CDK14: variants seen among roughly 807,000 people sequenced by gnomAD.
The protein encoded by CDK14 is cyclin-dependent kinase 14.
CDK14 carries 34 observed loss-of-function variants against 60.7 expected under a neutral mutation model. The observed-to-expected ratio is 0.56, with a 90% CI of 0.43 to 0.75. CDK14 has a LOEUF of 0.75. Among genes scored for constraint, CDK14 ranks in the 30% least tolerant of loss-of-function variants. CDK14 has a pLI of 0.00. For synonymous variants in CDK14, 197 were observed against 203.7 expected, an observed-to-expected ratio of 0.97 and a Z score of 0.28; for missense variants, 482 against 564.1, an observed-to-expected ratio of 0.85 and a Z score of 1.47.
intron 14 of CDK14, among the ~76,000 whole-genome samples, chr7:91,188,266 C>A (rs1254166112): frequency 6.6e-6 from 1 of 152,018 alleles, no homozygotes; most frequent in Admixed American, 6.6e-5. Context: ...TTTAAACATT[C>A]CTCAGATATG....
intron 8 of CDK14, among the ~76,000 whole-genome samples, chr7:90,944,634 A>G (rs1276318777): frequency 6.6e-6 from 1 of 152,190 alleles, no homozygotes; most frequent in Non-Finnish European, 1.5e-5. Flanking sequence ...TTGGAGGCTG[A>G]GCTGAGAGGA....
chr7:90,787,681 G>C (rs1017848425), intron 4 of CDK14, among the ~76,000 whole-genome samples: 5 of 152,082 alleles, frequency 3.3e-5, no homozygotes, highest in Non-Finnish European at 7.4e-5. Context: ...GGAACTTATG[G>C]TGTAGTATAT....
At chr7:91,160,122 T>A (rs958255800) in intron 14 of CDK14, among the ~76,000 whole-genome samples, 33 of 152,290 alleles carry the variant, frequency 2.2e-4, no homozygotes, top group African/African-American at 7.7e-4. Context: ...ATACAAAGAT[T>A]TCCTTTAGAA....
At chr7:91,164,919 GA>G (rs1801299895) in intron 14 of CDK14, among the ~76,000 whole-genome samples, 1 of 152,114 alleles carries the variant, frequency 6.6e-6, no homozygotes, top group Non-Finnish European at 1.5e-5. Flanking sequence ...AAATAGAACA[GA>G]AAAAAGAAGA....
chr7:90,764,426 G>A (rs1041236808), intron 4 of CDK14, among the ~76,000 whole-genome samples: 2 of 152,140 alleles, frequency 1.3e-5, no homozygotes, highest in Non-Finnish European at 2.9e-5. Context: ...AACAGGTTGC[G>A]GTGTCAGTGA....
intron 3 of CDK14, among the ~76,000 whole-genome samples, chr7:90,739,241 A>AC (rs2116771157): frequency 6.6e-6 from 1 of 152,272 alleles, no homozygotes; most frequent in Admixed American, 6.5e-5. Context: ...TGATTTTTTT[A>AC]CCACAAAATG....
intron 2 of CDK14, among the ~76,000 whole-genome samples, chr7:90,633,092 T>TAAGCCGAGACTGTGCTACTACG: frequency 2.9e-5 from 1 of 34,124 alleles, no homozygotes; most frequent in Non-Finnish European, 5.2e-5. Flanking sequence ...CGAGATTCTG[T>TAAGCCGAGACTGTGCTACTACG]CTCAAAAAAA....
chr7:90,851,091 GA>G (rs1227020293), intron 5 of CDK14, among the ~76,000 whole-genome samples: 3 of 152,142 alleles, frequency 2.0e-5, no homozygotes, highest in African/African-American at 7.2e-5. Context: ...AGGAAAAGCA[GA>G]AAATATTTAT....
chr7:91,134,558 TGAGAA>T (rs990894831), intron 14 of CDK14, among the ~76,000 whole-genome samples: 1 of 152,178 alleles, frequency 6.6e-6, no homozygotes, highest in Non-Finnish European at 1.5e-5. Context: ...AAATAAATTT[TGAGAA>T]GAAAATTTCT....
At chr7:91,025,968 G>A (rs1796559327) in intron 10 of CDK14, among the ~76,000 whole-genome samples, 1 of 151,980 alleles carries the variant, frequency 6.6e-6, no homozygotes, top group South Asian at 2.1e-4. Flanking sequence ...GAAAGAGCCA[G>A]ACAAAATTGG....
chr7:91,045,356 T>C (rs1036344528), intron 10 of CDK14, among the ~76,000 whole-genome samples: 2 of 152,208 alleles, frequency 1.3e-5, no homozygotes, highest in Non-Finnish European at 2.9e-5. Context: ...AGAAAGAACA[T>C]TATTTTGGCA....
chr7:90,681,004 A>G lies in CDK14; in HGVS notation c.124-45563A>G, dbSNP rs1801303533. On this transcript the variant is annotated intron_variant, in intron 2 of 14. Coordinates refer to ENST00000380050, the MANE Select transcript of CDK14 (RefSeq NM_001287135.2). Reference sequence around the variant, plus strand: ...TGGATTCTGTAAAGAGACAGATAGTACATTGTGGAGTTTATATGTATTTGA... The same window carrying G: ...TGGATTCTGTAAAGAGACAGATAGTGCATTGTGGAGTTTATATGTATTTGA... Among the ~76,000 whole-genome samples the G allele has an allele frequency of 2.0e-5, 3 of 152,348 alleles. 1 individual carries two copies. The South Asian group carries it at 6.2e-4, about 32-fold the overall frequency.
At chr7:90,905,754 T>C (rs1364246435) in intron 7 of CDK14, among the ~76,000 whole-genome samples, 1 of 152,172 alleles carries the variant, frequency 6.6e-6, no homozygotes, top group Non-Finnish European at 1.5e-5. Context: ...AGCTTGATTA[T>C]TTGTGACTTT....
At chr7:90,813,176 C>G (rs1238794971) in intron 5 of CDK14, among the ~76,000 whole-genome samples, 1 of 152,094 alleles carries the variant, frequency 6.6e-6, no homozygotes, top group Non-Finnish European at 1.5e-5. Flanking sequence ...TTGTTTGTTT[C>G]TTTTGAGATG....
At chr7:91,108,262 A>G (rs985953242) in intron 12 of CDK14, among the ~76,000 whole-genome samples, 8 of 152,350 alleles carry the variant, frequency 5.3e-5, no homozygotes, top group African/African-American at 1.7e-4. Context: ...AGCCAAGGTC[A>G]TACCACTGCA....
chr7:90,643,469 T>C (rs138495391), intron 2 of CDK14, among the ~76,000 whole-genome samples: 1 of 152,328 alleles, frequency 6.6e-6, no homozygotes, highest in African/African-American at 2.4e-5. Flanking sequence ...ATGATTTGTT[T>C]TGATATACAC....
chr7:91,151,649 G>A (rs540181910), intron 14 of CDK14, among the ~76,000 whole-genome samples: 7 of 152,074 alleles, frequency 4.6e-5, no homozygotes, highest in Non-Finnish European at 1.0e-4. Flanking sequence ...CCCTCTTGGC[G>A]GTCCACATTT....
intron 12 of CDK14, among the ~76,000 whole-genome samples, chr7:91,083,287 A>G (rs1798533013): frequency 6.6e-6 from 1 of 152,184 alleles, no homozygotes; most frequent in South Asian, 2.1e-4. Flanking sequence ...GCAGACACTA[A>G]AGCAGACCTT....
chr7:91,050,127 G>A (rs1023241281), intron 11 of CDK14, among the ~76,000 whole-genome samples: 2 of 152,148 alleles, frequency 1.3e-5, no homozygotes, highest in African/African-American at 2.4e-5. Context: ...AGTCATAGAC[G>A]ACGTGGGGCC....
Sources: gnomAD v4.1 joint callset for allele counts (sites outside exome capture counted in the v4.1 genomes callset) on GRCh38, gnomAD v4.1.1 for gene constraint, MANE v1.5 for transcripts, NCBI Gene and HGNC (gene_info 2026-07-23, HGNC 2026-07-21) for gene names.